CSMD1: variants seen among roughly 807,000 people sequenced by gnomAD.
CSMD1 encodes the protein CUB and Sushi multiple domains 1.
A neutral mutation model predicts 417.5 loss-of-function variants in CSMD1; 213 were observed. The observed-to-expected ratio is 0.51, with a 90% CI of 0.46 to 0.57. The LOEUF is 0.57. Ranked by LOEUF, CSMD1 falls within the 20% of genes least tolerant of loss-of-function variation. CSMD1 has a pLI of 0.00. For synonymous variants in CSMD1, 2,862 were observed against 1,736.8 expected (o/e 1.65, Z -16.11); for missense variants, 6,923 against 4,529.7 (o/e 1.53, Z -15.17).
At chr8:3,526,173 TATC>T (rs1211129588) in intron 10 of CSMD1, among the ~76,000 whole-genome samples, 2 of 152,204 alleles carry the variant, frequency 1.3e-5, no homozygotes, top group Non-Finnish European at 1.5e-5. Flanking sequence ...ATGTGGCATA[TATC>T]ATATTTCTGA....
chr8:3,334,403 T>C (rs1807109801), intron 23 of CSMD1, among the ~76,000 whole-genome samples: 1 of 152,234 alleles, frequency 6.6e-6, no homozygotes, highest in African/African-American at 2.4e-5. Flanking sequence ...TGAGAGTGTA[T>C]TCCTGTCCAA....
chr8:3,328,666 T>C (rs935790712), intron 23 of CSMD1, among the ~76,000 whole-genome samples: 7 of 152,068 alleles, frequency 4.6e-5, no homozygotes, highest in African/African-American at 1.2e-4. Flanking sequence ...CTTATCAGAG[T>C]TGACAAAAAT....
chr8:4,389,527 A>C (rs1803703549), intron 3 of CSMD1, among the ~76,000 whole-genome samples: 1 of 152,178 alleles, frequency 6.6e-6, no homozygotes, highest in Non-Finnish European at 1.5e-5. Context: ...TCAGTCATAT[A>C]CTCAGCAGAA....
intron 2 of CSMD1, among the ~76,000 whole-genome samples, chr8:4,596,802 C>G (rs985233985): frequency 2.6e-5 from 4 of 152,170 alleles, no homozygotes; most frequent in African/African-American, 9.7e-5. Flanking sequence ...TTCTATCTAC[C>G]AGAATACCCA....
intron 3 of CSMD1, among the ~76,000 whole-genome samples, chr8:4,236,020 G>T (rs1176233000): frequency 9.9e-6 from 1 of 100,952 alleles, no homozygotes; most frequent in Non-Finnish European, 2.0e-5. Flanking sequence ...GAGGTTAATG[G>T]ATATTGTTTT....
At chr8:3,285,584 A>T (rs1452425748) in intron 25 of CSMD1, among the ~76,000 whole-genome samples, 2 of 151,976 alleles carry the variant, frequency 1.3e-5, no homozygotes, top group East Asian at 1.9e-4. Context: ...TTTATAGTAG[A>T]CATGGGGTTT....
intron 7 of CSMD1, among the ~76,000 whole-genome samples, chr8:3,691,566 C>A (rs1800246245): frequency 6.6e-6 from 1 of 152,122 alleles, no homozygotes; most frequent in Admixed American, 6.5e-5. Flanking sequence ...TGTATTTACA[C>A]ATAACTTTAT....
At chr8:4,691,016 C>G (rs527342604) in intron 1 of CSMD1, among the ~76,000 whole-genome samples, 1 of 152,154 alleles carries the variant, frequency 6.6e-6, no homozygotes, top group Non-Finnish European at 1.5e-5. Context: ...CATGAGCCAC[C>G]GTGACTGGCC....
chr8:3,352,442 C>T (rs1401735907), intron 21 of CSMD1, among the ~76,000 whole-genome samples: 1 of 152,166 alleles, frequency 6.6e-6, no homozygotes, highest in Non-Finnish European at 1.5e-5. Context: ...TAAATAATCA[C>T]AGGAAAAATA....
chr8:4,879,905 G>C (rs1318690106), intron 1 of CSMD1, among the ~76,000 whole-genome samples: 2 of 152,014 alleles, frequency 1.3e-5, no homozygotes, highest in African/African-American at 4.8e-5. Context: ...TACAAGTCTG[G>C]ATTTTATCTC....
Position 3,117,214 on chromosome 8 carries a change from G to C in CSMD1, c.6430+1185C>G, listed in dbSNP as rs1052386744. Among the ~76,000 whole-genome samples, 46 of 152,118 alleles carry C rather than the reference G, an allele frequency of 3.0e-4. 1 individual carries two copies. The highest frequency in any genetic ancestry group is 1.1e-3 in the African/African-American group (46 of 41,470). ...GCCTCTGGAGTAGCTGGGACTACAGGTGCCCACCACCACGCCCAGCTAATT... is the reference window on the plus strand; with the variant it reads ...GCCTCTGGAGTAGCTGGGACTACAGCTGCCCACCACCACGCCCAGCTAATT... On this transcript the variant is annotated intron_variant, in intron 42 of 69. Coordinates refer to ENST00000635120, the MANE Select transcript of CSMD1 (RefSeq NM_033225.6).
At chr8:2,961,241 G>C (rs751694891) in intron 61 of CSMD1, 27 bp from the exon 62 acceptor site, 2 of 1,427,990 alleles carry the variant, frequency 1.4e-6, no homozygotes. Context: ...AAAAAGAAAA[G>C]AGGGCACCAG....
intron 52 of CSMD1, among the ~76,000 whole-genome samples, chr8:3,007,653 C>A (rs1048066941): frequency 6.6e-6 from 1 of 151,276 alleles, no homozygotes; most frequent in Non-Finnish European, 1.5e-5. Flanking sequence ...TCATCATTCT[C>A]AGTAAACTAT....
chr8:4,268,486 G>A (rs1394189278), intron 3 of CSMD1, among the ~76,000 whole-genome samples: 2 of 152,138 alleles, frequency 1.3e-5, no homozygotes, highest in Non-Finnish European at 2.9e-5. Flanking sequence ...ACGTTTCTAA[G>A]TATTTTGTAG....
chr8:4,981,036 A>G (rs1400020894), intron 1 of CSMD1, among the ~76,000 whole-genome samples: 1 of 152,258 alleles, frequency 6.6e-6, no homozygotes, highest in Non-Finnish European at 1.5e-5. Flanking sequence ...CATAGTTAGA[A>G]GAAACCAAAC....
Position 3,188,883 on chromosome 8 carries a change from T to C in CSMD1, c.5523+4A>G, listed in dbSNP as rs369925807. The C allele has an allele frequency of 1.9e-6, 3 of 1,557,760 alleles. No individual in the cohort carries two copies. The highest frequency in any genetic ancestry group is 2.7e-5 in the African/African-American group (2 of 73,474). On this transcript the variant is annotated splice_donor_region_variant and intron_variant, in intron 35 of 69. Coordinates refer to ENST00000635120, the MANE Select transcript of CSMD1 (RefSeq NM_033225.6). Reference sequence around the variant, plus strand: ...GTTGTAGACTGTGGACTTCAAGGACTCACCTGAATTCCCGAGCCCTCCGTA... The same window carrying C: ...GTTGTAGACTGTGGACTTCAAGGACCCACCTGAATTCCCGAGCCCTCCGTA...
intron 3 of CSMD1, among the ~76,000 whole-genome samples, chr8:4,113,645 C>A (rs1179235056): frequency 6.6e-6 from 1 of 152,094 alleles, no homozygotes; most frequent in Non-Finnish European, 1.5e-5. Flanking sequence ...ACCTCCTGAT[C>A]CACCCGCCTC....
intron 10 of CSMD1, among the ~76,000 whole-genome samples, chr8:3,574,259 G>T (rs969964733): frequency 6.6e-6 from 1 of 152,168 alleles, no homozygotes; most frequent in Non-Finnish European, 1.5e-5. Flanking sequence ...ATCTTTTCTT[G>T]ATATGGAGTC....
intron 1 of CSMD1, among the ~76,000 whole-genome samples, chr8:4,905,674 G>C (rs1284791652): frequency 2.6e-5 from 4 of 151,748 alleles, no homozygotes; most frequent in South Asian, 4.2e-4. Context: ...AAAAAAATTA[G>C]CCGGGCGTGG....
Sources: gnomAD v4.1 joint callset for allele counts (sites outside exome capture counted in the v4.1 genomes callset) on GRCh38, gnomAD v4.1.1 for gene constraint, MANE v1.5 for transcripts, NCBI Gene and HGNC (gene_info 2026-07-23, HGNC 2026-07-21) for gene names.